The following PTTG1IP2 variants were observed in gnomAD, a reference collection of about 807,000 sequenced individuals.
The protein encoded by PTTG1IP2 is PTTG1IP family member 2.
At chr7:90,483,819 A>G (rs1797839360) in intron 2 of PTTG1IP2, among the ~76,000 whole-genome samples, 1 of 152,112 alleles carries the variant, frequency 6.6e-6, no homozygotes, top group Admixed American at 6.6e-5. Flanking sequence ...ATTTTCCTGA[A>G]TGAGCACATT....
At chr7:90,497,265 C>G (rs560847950) in intron 6 of PTTG1IP2, among the ~76,000 whole-genome samples, 3 of 152,150 alleles carry the variant, frequency 2.0e-5, no homozygotes, top group Admixed American at 2.0e-4. Context: ...GATCTCATCT[C>G]TACAAAAGAA....
chr7:90,485,962 C>T (rs10487115), intron 2 of PTTG1IP2, among the ~76,000 whole-genome samples: 2 of 152,028 alleles, frequency 1.3e-5, no homozygotes, highest in African/African-American at 4.8e-5. Context: ...TCCAGTCTTT[C>T]GGCAACCGTC....
At chr7:90,503,332 T>C (rs530457038) in intron 6 of PTTG1IP2, among the ~76,000 whole-genome samples, 1 of 152,208 alleles carries the variant, frequency 6.6e-6, no homozygotes, top group South Asian at 2.1e-4. Flanking sequence ...TTTTTCCATA[T>C]CAGCAATAAG....
chr7:90,488,176 C>T (rs1797897949), intron 3 of PTTG1IP2, among the ~76,000 whole-genome samples: 1 of 151,950 alleles, frequency 6.6e-6, no homozygotes, highest in South Asian at 2.1e-4. Flanking sequence ...CTAGAACAAC[C>T]AGTTGTCTTC....
In PTTG1IP2 at chr7:90,493,287, A is replaced by C. The variant is rs17869725; in HGVS notation, c.451+978A>C. Among the ~76,000 whole-genome samples, 119 of 152,268 alleles carry C rather than the reference A, an allele frequency of 7.8e-4. 3 individuals are homozygous for C. Among genetic ancestry groups the C allele is most frequent in the Admixed American group, 4.2e-3 (64 of 15,300 alleles). On this transcript the variant is annotated intron_variant, in intron 5 of 6. Transcript: ENST00000509356. The stretch of plus-strand genomic sequence containing the variant: ...GGGTAAACCTTTTAGGGTAAGGATG[A>C]AATGGTAAGCACATACACACTCTTT...
At chr7:90,507,416 G>A (rs1798136874) in intron 6 of PTTG1IP2, among the ~76,000 whole-genome samples, 1 of 152,108 alleles carries the variant, frequency 6.6e-6, no homozygotes, top group Non-Finnish European at 1.5e-5. Context: ...GAAACCTAAG[G>A]TAAATTGTTT....
At position 90,472,313 on chromosome 7, in the gene PTTG1IP2, CACACACA is replaced by C. The variant is rs764382154; in HGVS notation, c.145+2383_145+2389del. Reference sequence around the variant, plus strand: ...ACACACACACACACACACACACACACACACACACCCCAAATAATCTACCCTAGAAGAG... The same window carrying C: ...ACACACACACACACACACACACACACCCCCAAATAATCTACCCTAGAAGAG... On this transcript the variant is annotated intron_variant, in intron 1 of 6. Transcript: ENST00000509356. 9.5e-4 allele frequency among the ~76,000 whole-genome samples: 99 copies of C among 103,838 alleles called. 1 individual carries two copies. The highest frequency in any genetic ancestry group is 2.3e-3 in the African/African-American group (72 of 30,994). The allele number at this position is 103,838 out of a possible 152,430, so 68.1% of individuals were successfully genotyped here.
chr7:90,471,281 A>T (rs993937508), intron 1 of PTTG1IP2, among the ~76,000 whole-genome samples: 1 of 152,184 alleles, frequency 6.6e-6, no homozygotes, highest in African/African-American at 2.4e-5. Flanking sequence ...CGAGATCCTC[A>T]TCTATGTCCC....
rs995301027 is a variant in PTTG1IP2, at chr7:90,492,322, G to A, written c.451+13G>A. The A allele has an allele frequency of 7.2e-5, 11 of 152,208 alleles. No homozygotes were observed. The highest frequency in any genetic ancestry group is 2.1e-4 in the South Asian group (1 of 4,826). 9.4% of individuals were successfully genotyped at this position (152,208 alleles called of 1,614,324 possible). A position where few individuals can be genotyped will look rare whatever the true frequency, so the allele number is the denominator to read the frequency against. On this transcript the variant is annotated intron_variant, in intron 5 of 6. Transcript: ENST00000509356. ...CGCAGTGCTACTGGCAAGTGTTTTC[G>A]TTTATTTGATGGAATGTCCCAGACT...
chr7:90,474,413 G>A (rs1289451086), intron 1 of PTTG1IP2, among the ~76,000 whole-genome samples: 1 of 152,182 alleles, frequency 6.6e-6, no homozygotes, highest in African/African-American at 2.4e-5. Flanking sequence ...GAAACAGAAA[G>A]CAATTCAGAT....
intron 2 of PTTG1IP2, among the ~76,000 whole-genome samples, chr7:90,479,938 T>C (rs897995364): frequency 9.2e-5 from 14 of 152,226 alleles, no homozygotes; most frequent in Non-Finnish European, 1.6e-4. Context: ...ATATACACCC[T>C]CTGCCCTGTC....
chr7:90,493,896 A>G (rs1797965605), intron 5 of PTTG1IP2, among the ~76,000 whole-genome samples: 1 of 152,238 alleles, frequency 6.6e-6, no homozygotes, highest in African/African-American at 2.4e-5. Flanking sequence ...TTTATGCAAG[A>G]CATAGAATAA....
intron 4 of PTTG1IP2, among the ~76,000 whole-genome samples, chr7:90,490,570 T>C (rs768716790): frequency 1.3e-5 from 2 of 152,078 alleles, no homozygotes; most frequent in African/African-American, 4.8e-5. Flanking sequence ...CAAGTTAGGA[T>C]AGGATGGAAG....
At chr7:90,495,267 C>T (rs1232476172) in intron 6 of PTTG1IP2, among the ~76,000 whole-genome samples, 2 of 152,180 alleles carry the variant, frequency 1.3e-5, no homozygotes, top group Non-Finnish European at 2.9e-5. Flanking sequence ...TACCCCGACA[C>T]TCAGTAAGTT....
At chr7:90,477,140 A>G (rs998460855) in intron 1 of PTTG1IP2, among the ~76,000 whole-genome samples, 1 of 152,236 alleles carries the variant, frequency 6.6e-6, no homozygotes, top group Non-Finnish European at 1.5e-5. Context: ...GAAATGATAC[A>G]GAAGTCACGA....
intron 4 of PTTG1IP2, among the ~76,000 whole-genome samples, chr7:90,490,797 G>C (rs1415924524): frequency 6.6e-6 from 1 of 151,992 alleles, no homozygotes; most frequent in Admixed American, 6.6e-5. Context: ...TAAGAGTAGG[G>C]GCCTGAGCAA....
intron 6 of PTTG1IP2, among the ~76,000 whole-genome samples, chr7:90,500,155 G>T (rs1184376967): frequency 6.6e-6 from 1 of 151,962 alleles, no homozygotes; most frequent in Non-Finnish European, 1.5e-5. Context: ...TCGAGGCTGT[G>T]GTGAGCTAAG....
At chr7:90,503,038 A>G (rs1443096359) in intron 6 of PTTG1IP2, among the ~76,000 whole-genome samples, 1 of 152,180 alleles carries the variant, frequency 6.6e-6, no homozygotes. Flanking sequence ...TCTATTTTTT[A>G]GTGTAGCCAC....
intron 6 of PTTG1IP2, among the ~76,000 whole-genome samples, chr7:90,510,854 C>T (rs758371003): frequency 2.6e-5 from 4 of 152,168 alleles, no homozygotes; most frequent in Admixed American, 6.5e-5. Flanking sequence ...TACTCATTAT[C>T]ATAGAAATTT....
Sources: gnomAD v4.1 joint callset for allele counts (sites outside exome capture counted in the v4.1 genomes callset) on GRCh38, gnomAD v4.1.1 for gene constraint, MANE v1.5 for transcripts, NCBI Gene and HGNC (gene_info 2026-07-23, HGNC 2026-07-21) for gene names.